Variants in LRRIQ1 observed in about 807,000 individuals in gnomAD.
LRRIQ1 encodes leucine rich repeats and IQ motif containing 1.
Under a neutral mutation model 211.9 loss-of-function variants are expected in LRRIQ1, and 210 were observed. The observed-to-expected ratio is 0.99, with a 90% CI of 0.89 to 1.11. The LOEUF is 1.11. Ranked by LOEUF, LRRIQ1 falls within the 50% of genes most tolerant of loss-of-function variation. The probability of loss-of-function intolerance (pLI) is 0.00; values close to 1 mark genes in which losing one functional copy is unlikely to be tolerated. For missense variants in LRRIQ1, 2,136 were observed against 1,939.5 expected, an observed-to-expected ratio of 1.10 and a Z score of -1.90; for synonymous variants, 699 against 650.1, an observed-to-expected ratio of 1.08 and a Z score of -1.14.
chr12:85,107,511 G>T (rs1476539311), intron 15 of LRRIQ1, among the ~76,000 whole-genome samples: 1 of 151,896 alleles, frequency 6.6e-6, no homozygotes, highest in East Asian at 1.9e-4. Context: ...GTATGTTTTG[G>T]TGTGGTTGCA....
At chr12:85,200,669 A>T (rs1044772014) in intron 24 of LRRIQ1, among the ~76,000 whole-genome samples, 24 of 152,090 alleles carry the variant, frequency 1.6e-4, no homozygotes, top group African/African-American at 4.8e-4. Context: ...GTTGGATTTT[A>T]GCAAAAGCCT....
chr12:85,221,331 T>A (rs1018193273), intron 24 of LRRIQ1, among the ~76,000 whole-genome samples: 5 of 152,194 alleles, frequency 3.3e-5, no homozygotes, highest in Non-Finnish European at 1.5e-5. Flanking sequence ...GTAATAATTA[T>A]TTTATTTCAC....
chr12:85,048,683 G>A (rs998865489), intron 6 of LRRIQ1: 1 of 151,588 alleles, frequency 6.6e-6, no homozygotes, highest in African/African-American at 2.4e-5. Flanking sequence ...CTTTAGTTAT[G>A]TTTTCTTTCC....
chr12:85,213,010 A>G (rs1012222991), intron 24 of LRRIQ1, among the ~76,000 whole-genome samples: 4 of 151,680 alleles, frequency 2.6e-5, no homozygotes, highest in Admixed American at 6.6e-5. Context: ...CTTAAACTCA[A>G]AATATAAGTA....
Position 85,098,998 on chromosome 12 carries a change from A to T in LRRIQ1, c.3209+4A>T, listed in dbSNP as rs1232139168. 6.5e-7 allele frequency: 1 copy of T among 1,529,172 alleles called. No individual in the cohort carries two copies. The highest frequency in any genetic ancestry group is 8.8e-7 in the Non-Finnish European group (1 of 1,131,208). The allele number at this position is 1,529,172 out of a possible 1,614,324, so 94.7% of individuals were successfully genotyped here. A position where few individuals can be genotyped will look rare whatever the true frequency, so the allele number is the denominator to read the frequency against. ...ATATTACTATCTCTCAAAACAGGTA[A>T]AAGCATACTTAAGAAATAAATTCAG... On this transcript the variant is annotated splice_donor_region_variant and intron_variant, in intron 13 of 26. Transcript: ENST00000393217.
chr12:85,248,901 G>A (rs1185996539), downstream of LRRIQ1, among the ~76,000 whole-genome samples: 2 of 151,724 alleles, frequency 1.3e-5, no homozygotes, highest in African/African-American at 4.8e-5. Context: ...ATATACTGAA[G>A]TAAGTAATAT....
chr12:85,051,066 G>A (rs1345150266), intron 6 of LRRIQ1, among the ~76,000 whole-genome samples: 1 of 152,142 alleles, frequency 6.6e-6, no homozygotes. Flanking sequence ...TGTCATGGAG[G>A]TGGATCCCTC....
chr12:85,167,712 C>T (rs942549453), intron 24 of LRRIQ1, among the ~76,000 whole-genome samples: 1 of 152,172 alleles, frequency 6.6e-6, no homozygotes, highest in African/African-American at 2.4e-5. Flanking sequence ...TGGCAACACC[C>T]TCACAGACAC....
rs543197322 is a variant in LRRIQ1, at chr12:85,161,062, G to A, written c.4822+348G>A. 1.1e-4 allele frequency among the ~76,000 whole-genome samples: 17 copies of A among 152,014 alleles called. No homozygotes were observed. The South Asian group carries it at 1.7e-3, about 15-fold the overall frequency. On this transcript the variant is annotated intron_variant, in intron 24 of 26. Coordinates refer to ENST00000393217, the MANE Select transcript of LRRIQ1 (RefSeq NM_001079910.2). ...GTATCAGTGGAAGTGATCACATGTC[G>A]AAATGATATTCTGTTTACTGCCAAT...
chr12:85,242,926 T>G (rs548364087), intron 26 of LRRIQ1, among the ~76,000 whole-genome samples: 1 of 151,950 alleles, frequency 6.6e-6, no homozygotes, highest in Non-Finnish European at 1.5e-5. Context: ...GATAATAAAT[T>G]TTTTGGAAGG....
At chr12:85,071,912 C>G (rs938380492) in intron 10 of LRRIQ1, among the ~76,000 whole-genome samples, 1 of 152,014 alleles carries the variant, frequency 6.6e-6, no homozygotes, top group Non-Finnish European at 1.5e-5. Context: ...GGGATTATTA[C>G]AATTCAAGGT....
chr12:85,106,625 C>A lies in LRRIQ1; in HGVS notation c.3377+10C>A. The A allele has an allele frequency of 6.4e-7, 1 of 1,551,954 alleles. No individual in the cohort carries two copies. Among genetic ancestry groups the A allele is most frequent in the Non-Finnish European group, 8.9e-7 (1 of 1,124,948 alleles). On this transcript the variant is annotated intron_variant, in intron 15 of 26. Transcript: ENST00000393217. The stretch of plus-strand genomic sequence containing the variant: ...AAGAAACAAACTGGAGGTAAAGAGG[C>A]ATTGTTGCACCCCATGTATATCCAT...
chr12:85,151,720 A>G (rs1210139652), intron 19 of LRRIQ1, among the ~76,000 whole-genome samples: 1 of 151,566 alleles, frequency 6.6e-6, no homozygotes, highest in Non-Finnish European at 1.5e-5. Flanking sequence ...TTAAATTTAT[A>G]ATTTTGTTTT....
intron 11 of LRRIQ1, among the ~76,000 whole-genome samples, chr12:85,094,245 C>G (rs1885665120): frequency 6.6e-6 from 1 of 152,160 alleles, no homozygotes; most frequent in South Asian, 2.1e-4. Context: ...TCTTCCATCA[C>G]CAACAAATGG....
At chr12:85,125,416 G>C (rs973981792) in intron 17 of LRRIQ1, among the ~76,000 whole-genome samples, 5 of 152,056 alleles carry the variant, frequency 3.3e-5, no homozygotes, top group Non-Finnish European at 7.4e-5. Context: ...GAACCAGCAA[G>C]GATTAGGTTT....
At chr12:85,067,016 A>G in intron 10 of LRRIQ1, 118 bp downstream of exon 10, 1 of 514,700 alleles carries the variant, frequency 1.9e-6, no homozygotes, top group East Asian at 3.6e-5. Context: ...TTTATGTTAT[A>G]CTTTTAAAAT....
chr12:85,149,551 A>G (rs916869801), intron 19 of LRRIQ1, among the ~76,000 whole-genome samples: 6 of 151,780 alleles, frequency 4.0e-5, no homozygotes, highest in African/African-American at 1.2e-4. Flanking sequence ...AAATTTGTAT[A>G]AATTTGCAGT....
chr12:85,152,433 T>A (rs1401647139), intron 20 of LRRIQ1, 64 bp downstream of exon 20: 1 of 1,231,384 alleles, frequency 8.1e-7, no homozygotes, highest in Non-Finnish European at 1.1e-6. Context: ...TATGCTATGT[T>A]GCAGTGATTA....
At chr12:85,256,067 G>A (rs1005484780) in intron 1 of LRRIQ1, among the ~76,000 whole-genome samples, 1 of 151,498 alleles carries the variant, frequency 6.6e-6, no homozygotes, top group African/African-American at 2.4e-5. Flanking sequence ...ATTATTCCAG[G>A]CACAGTTAAA....
Sources: allele counts gnomAD v4.1 joint callset (sites outside exome capture counted in the v4.1 genomes callset), GRCh38; gene constraint gnomAD v4.1.1; transcripts MANE v1.5; gene names NCBI Gene and HGNC (gene_info 2026-07-23, HGNC 2026-07-21).